KLHL32: variants seen among roughly 807,000 people sequenced by gnomAD.
The protein encoded by KLHL32 is kelch-like protein 32.
A neutral mutation model predicts 64.8 loss-of-function variants in KLHL32; 35 were observed. That is an observed-to-expected ratio of 0.54 (90% CI 0.41 to 0.72). The LOEUF is 0.72. Among genes scored for constraint, KLHL32 ranks in the 30% least tolerant of loss-of-function variants. The probability of loss-of-function intolerance (pLI) is 0.00; values close to 1 mark genes in which losing one functional copy is unlikely to be tolerated. For synonymous variants in KLHL32, 259 were observed against 281.0 expected (o/e 0.92, Z 0.78); for missense variants, 589 against 768.5 (o/e 0.77, Z 2.76).
intron 3 of KLHL32, among the ~76,000 whole-genome samples, chr6:97,032,931 CTTT>C (rs55941007): frequency 2.1e-5 from 3 of 142,798 alleles, no homozygotes; most frequent in African/African-American, 2.6e-5. Context: ...TTCCTGTTAG[CTTT>C]TTTTTTTTTT....
At chr6:97,106,701 G>A (rs925877643) in intron 6 of KLHL32, among the ~76,000 whole-genome samples, 1 of 150,806 alleles carries the variant, frequency 6.6e-6, no homozygotes, top group Non-Finnish European at 1.5e-5. Flanking sequence ...CTGAGATTGC[G>A]CCACTGCACT....
upstream of KLHL32, among the ~76,000 whole-genome samples, chr6:96,923,390 C>A (rs9487555): frequency 0.033 from 5,004 of 152,214 alleles, 291 homozygotes; most frequent in African/African-American, 0.11. Context: ...ATGAAAAATT[C>A]TTAGGATGAC....
chr6:96,961,739 G>T (rs749050520), intron 1 of KLHL32, among the ~76,000 whole-genome samples: 13 of 152,124 alleles, frequency 8.5e-5, no homozygotes, highest in Non-Finnish European at 1.5e-4. Flanking sequence ...CTGCACAAGG[G>T]TAATTGAGCT....
chr6:97,092,279 G>A (rs962194095), intron 6 of KLHL32, among the ~76,000 whole-genome samples: 25 of 152,228 alleles, frequency 1.6e-4, no homozygotes, highest in African/African-American at 6.0e-4. Flanking sequence ...GTGAGCCACC[G>A]TGCCCGGCCA....
chr6:96,983,878 C>CTTCAG (rs1402396181), intron 3 of KLHL32, among the ~76,000 whole-genome samples: 1 of 152,080 alleles, frequency 6.6e-6, no homozygotes, highest in Non-Finnish European at 1.5e-5. Context: ...TCTCTATTTC[C>CTTCAG]TTCAGTTCTG....
intron 6 of KLHL32, among the ~76,000 whole-genome samples, chr6:97,094,519 T>A (rs372345654): frequency 9.8e-5 from 15 of 152,306 alleles, no homozygotes; most frequent in African/African-American, 2.6e-4. Flanking sequence ...GAGCTTTTTT[T>A]ATGCTCATAA....
chr6:96,991,323 G>A (rs984985574), intron 3 of KLHL32, among the ~76,000 whole-genome samples: 6 of 152,134 alleles, frequency 3.9e-5, no homozygotes, highest in Non-Finnish European at 8.8e-5. Flanking sequence ...GTCCTTCCTG[G>A]GGAAGAATAC....
At chr6:97,092,290 A>G (rs536354163) in intron 6 of KLHL32, among the ~76,000 whole-genome samples, 4 of 152,192 alleles carry the variant, frequency 2.6e-5, no homozygotes, top group Non-Finnish European at 4.4e-5. Flanking sequence ...TGCCCGGCCA[A>G]TTCTCTTTCA....
At chr6:97,139,011 G>A in intron 10 of KLHL32, 110 bp from the exon 11 acceptor site, 1 of 955,644 alleles carries the variant, frequency 1.0e-6, no homozygotes, top group Non-Finnish European at 1.6e-6. Context: ...CCTAAGATAT[G>A]GTGATGGTGA....
chr6:96,933,689 G>A (rs1770218674), intron 1 of KLHL32, among the ~76,000 whole-genome samples: 1 of 152,144 alleles, frequency 6.6e-6, no homozygotes, highest in Non-Finnish European at 1.5e-5. Flanking sequence ...ATCTCAGCTG[G>A]GACAGAGGGT....
At chr6:97,006,566 A>G (rs1312446626) in intron 3 of KLHL32, among the ~76,000 whole-genome samples, 1 of 152,172 alleles carries the variant, frequency 6.6e-6, no homozygotes, top group Non-Finnish European at 1.5e-5. Flanking sequence ...TTAGCTGGTT[A>G]CTATGCAGAC....
the KLHL32 span, among the ~76,000 whole-genome samples, chr6:96,917,553 A>G: frequency 3.3e-5 from 5 of 152,184 alleles, no homozygotes; most frequent in African/African-American, 1.2e-4. Context: ...TTTCTTGTTC[A>G]ATACCTCAAA....
intron 7 of KLHL32, among the ~76,000 whole-genome samples, chr6:97,116,802 C>G (rs898108523): frequency 6.6e-6 from 1 of 152,200 alleles, no homozygotes; most frequent in Admixed American, 6.5e-5. Flanking sequence ...TTTATTAAAT[C>G]TATCAACCTA....
intron 1 of KLHL32, among the ~76,000 whole-genome samples, chr6:96,963,933 A>T (rs533271728): frequency 2.0e-5 from 3 of 152,330 alleles, no homozygotes; most frequent in African/African-American, 7.2e-5. Flanking sequence ...AGATGATCAC[A>T]GTTGAAAGAG....
chr6:96,986,944 C>T (rs544002839), intron 3 of KLHL32, among the ~76,000 whole-genome samples: 211 of 152,298 alleles, frequency 1.4e-3, no homozygotes, highest in African/African-American at 4.9e-3. Context: ...ATGCAGAAAT[C>T]ACCTGTCTTC....
chr6:97,120,582 A>G (rs1346209786), intron 7 of KLHL32, among the ~76,000 whole-genome samples: 1 of 152,208 alleles, frequency 6.6e-6, no homozygotes, highest in African/African-American at 2.4e-5. Flanking sequence ...TAGTCCAGAG[A>G]ATCCTCCTGG....
At chr6:97,007,098 GT>G (rs772725146) in intron 3 of KLHL32, among the ~76,000 whole-genome samples, 8 of 151,830 alleles carry the variant, frequency 5.3e-5, no homozygotes, top group Admixed American at 3.9e-4. Context: ...TAAGTTGCTT[GT>G]TTTTTTCTCT....
rs142055706 is a variant in KLHL32 at position 97,028,267 on chromosome 6, G to T, written c.205-13225G>T. ...GCAATACCAATGCTGCTATTCCAGG[G>T]ACCACACCTTAAGTAGGGAAGGGCC... On this transcript the variant is annotated intron_variant, in intron 3 of 10. Transcript: ENST00000369261. Among the ~76,000 whole-genome samples the T allele has an allele frequency of 1.6e-3, 240 of 152,172 alleles. 1 individual carries two copies. Among genetic ancestry groups the T allele is most frequent in the African/African-American group, 5.4e-3 (226 of 41,514 alleles).
chr6:96,975,135 GA>G (rs1312155290), intron 2 of KLHL32, among the ~76,000 whole-genome samples: 3 of 152,194 alleles, frequency 2.0e-5, no homozygotes, highest in Admixed American at 6.5e-5. Context: ...TATTATTGTA[GA>G]ATGATCTAGA....
Sources: gnomAD v4.1 joint callset for allele counts (sites outside exome capture counted in the v4.1 genomes callset) on GRCh38, gnomAD v4.1.1 for gene constraint, MANE v1.5 for transcripts, NCBI Gene and HGNC (gene_info 2026-07-23, HGNC 2026-07-21) for gene names.